Variants in RANBP17 observed in about 807,000 individuals in gnomAD.
RANBP17 encodes the protein ran-binding protein 17.
Under a neutral mutation model 141.2 loss-of-function variants are expected in RANBP17, and 158 were observed. The observed-to-expected ratio is 1.12, with a 90% CI of 0.98 to 1.28. The LOEUF (loss-of-function observed/expected upper bound fraction) is 1.28. Among genes scored for constraint, RANBP17 ranks in the 50% most tolerant of loss-of-function variants. RANBP17 has a pLI of 0.00. For missense variants in RANBP17, 1,438 were observed against 1,290.7 expected (o/e 1.11, Z -1.75); for synonymous variants, 430 against 450.0 (o/e 0.96, Z 0.56).
rs185520490 is a variant in RANBP17, at chr5:171,182,096, G to A, written c.1866-1071G>A. ...GAATTATGCTTTTCAGTGCCCCTGT[G>A]CAGAGGCAATAGACTGAGGCATGTA... On this transcript the variant is annotated intron_variant, in intron 16 of 27. Transcript: ENST00000523189. Among the ~76,000 whole-genome samples the A allele has an allele frequency of 2.6e-5, 4 of 152,280 alleles. No individual in the cohort carries two copies. In the East Asian group the frequency reaches 5.8e-4, roughly 22 times the overall value.
intron 14 of RANBP17, among the ~76,000 whole-genome samples, chr5:171,062,709 C>G (rs1403509368): frequency 6.6e-6 from 1 of 152,168 alleles, no homozygotes; most frequent in Non-Finnish European, 1.5e-5. Flanking sequence ...GTTGGCCTGC[C>G]TTTCTAGATT....
intron 14 of RANBP17, among the ~76,000 whole-genome samples, chr5:171,119,138 G>T (rs981516438): frequency 6.6e-6 from 1 of 152,108 alleles, no homozygotes; most frequent in Non-Finnish European, 1.5e-5. Context: ...AAGGGATGCT[G>T]AATTTTTTTA....
chr5:171,221,865 CT>C (rs1356593697), intron 22 of RANBP17, 25 bp downstream of exon 22: 1 of 1,268,546 alleles, frequency 7.9e-7, no homozygotes, highest in African/African-American at 1.5e-5. Flanking sequence ...CCATATGTGC[CT>C]CTGCAATATA....
chr5:170,940,522 AT>A (rs1365700498), intron 12 of RANBP17, among the ~76,000 whole-genome samples: 1 of 152,208 alleles, frequency 6.6e-6, no homozygotes, highest in Non-Finnish European at 1.5e-5. Flanking sequence ...GGTCCCAAGT[AT>A]TTCAGATCAG....
chr5:171,111,753 T>C (rs1319439466), intron 14 of RANBP17, among the ~76,000 whole-genome samples: 2 of 152,236 alleles, frequency 1.3e-5, no homozygotes, highest in African/African-American at 2.4e-5. Flanking sequence ...TGATTTCTTC[T>C]CTGCATTAGG....
chr5:171,258,157 AC>A (rs1561807036), intron 24 of RANBP17, among the ~76,000 whole-genome samples: 1 of 141,844 alleles, frequency 7.1e-6, no homozygotes, highest in Non-Finnish European at 1.5e-5. Flanking sequence ...ACACACACAC[AC>A]ACCCCTAGGA....
intron 14 of RANBP17, among the ~76,000 whole-genome samples, chr5:171,074,999 C>T (rs556613030): frequency 2.6e-5 from 4 of 152,240 alleles, no homozygotes; most frequent in South Asian, 4.1e-4. Context: ...AACTGAAACT[C>T]GGGGGTTAAC....
At chr5:171,128,608 A>G (rs1429514684) in intron 14 of RANBP17, among the ~76,000 whole-genome samples, 2 of 152,208 alleles carry the variant, frequency 1.3e-5, no homozygotes, top group East Asian at 1.9e-4. Flanking sequence ...TAAGGTGACT[A>G]TAACTACCAA....
chr5:170,876,910 T>A lies in RANBP17; in HGVS notation c.19-1187T>A, dbSNP rs559006892. On this transcript the variant is annotated intron_variant, in intron 1 of 27. Coordinates refer to ENST00000523189, the MANE Select transcript of RANBP17 (RefSeq NM_022897.5). The stretch of plus-strand genomic sequence containing the variant: ...CATATGCCTACCTGACATTGAAATC[T>A]GTGCCAATATTTTTTCTTTCAGAGA... 7.2e-5 allele frequency among the ~76,000 whole-genome samples: 11 copies of A among 152,326 alleles called. No homozygotes were observed. In the South Asian group the frequency reaches 2.3e-3, roughly 32 times the overall value.
chr5:170,985,462 T>C lies in RANBP17; in HGVS notation c.1710+17085T>C, dbSNP rs562350177. On this transcript the variant is annotated intron_variant, in intron 14 of 27. Transcript: ENST00000523189. ...ATACCAGAAATTGAGCAAGAAGTAA[T>C]TCCCTTTCTCTCTTCCATTTAAATT... is the stretch of plus-strand genomic sequence containing the variant. Among the ~76,000 whole-genome samples the C allele has an allele frequency of 1.6e-4, 24 of 152,330 alleles. 1 individual carries two copies. In the South Asian group the frequency reaches 5.0e-3, roughly 32 times the overall value.
rs765682621 is a variant in RANBP17 at position 171,001,390 on chromosome 5, A to ACGTCCAATTAGAGAG, written c.1710+33021_1710+33035dup. The stretch of plus-strand genomic sequence containing the variant: ...GGACTAAGAATTGGGAGTACCCAGG[A>ACGTCCAATTAGAGAG]CGTCCAATTAGAGAGCGTCCAAGGG... On this transcript the variant is annotated intron_variant, in intron 14 of 27. Coordinates refer to ENST00000523189, the MANE Select transcript of RANBP17 (RefSeq NM_022897.5). Among the ~76,000 whole-genome samples the ACGTCCAATTAGAGAG allele has an allele frequency of 3.0e-4, 45 of 152,318 alleles. 2 individuals carry two copies. The highest frequency in any genetic ancestry group is 1.1e-3 in the African/African-American group (44 of 41,580).
chr5:171,053,832 AT>A (rs1783133948), intron 14 of RANBP17, among the ~76,000 whole-genome samples: 2 of 138,810 alleles, frequency 1.4e-5, no homozygotes, highest in Non-Finnish European at 3.1e-5. Flanking sequence ...TCACCATTGA[AT>A]GTGATGTTAG....
chr5:171,050,258 T>A (rs1388085958), intron 14 of RANBP17, among the ~76,000 whole-genome samples: 1 of 152,194 alleles, frequency 6.6e-6, no homozygotes, highest in Non-Finnish European at 1.5e-5. Flanking sequence ...TATCTTCAAA[T>A]GGATTTTTCA....
chr5:170,874,867 A>G (rs1412558502), intron 1 of RANBP17, among the ~76,000 whole-genome samples: 4 of 152,154 alleles, frequency 2.6e-5, no homozygotes, highest in Non-Finnish European at 5.9e-5. Context: ...TGATCCTGTC[A>G]TCATGATGCT....
In RANBP17 at chr5:171,025,585, CT is replaced by C. The variant is rs571015455; in HGVS notation, c.1710+57218del. Among the ~76,000 whole-genome samples, 281 of 137,288 alleles carry C rather than the reference CT, an allele frequency of 2.0e-3. 1 individual carries two copies. Among genetic ancestry groups the C allele is most frequent in the African/African-American group, 6.5e-3 (240 of 37,084 alleles). 90.1% of individuals were successfully genotyped at this position (137,288 alleles called of 152,430 possible). A position where few individuals can be genotyped will look rare whatever the true frequency, so the allele number is the denominator to read the frequency against. On this transcript the variant is annotated intron_variant, in intron 14 of 27. Transcript: ENST00000523189. ...TTAGTCCTTTTTTTTTTCTTTTTTTCTTTTTTTTTTGAGACAGAATATCACT... is the reference window on the plus strand; with the variant it reads ...TTAGTCCTTTTTTTTTTCTTTTTTTCTTTTTTTTTGAGACAGAATATCACT...
intron 14 of RANBP17, among the ~76,000 whole-genome samples, chr5:171,001,390 A>T (rs1356502712): frequency 1.3e-5 from 2 of 152,320 alleles, no homozygotes; most frequent in East Asian, 3.9e-4. Context: ...AGTACCCAGG[A>T]CGTCCAATTA....
intron 24 of RANBP17, among the ~76,000 whole-genome samples, chr5:171,263,399 G>A (rs150181028): frequency 4.6e-5 from 7 of 152,276 alleles, no homozygotes; most frequent in African/African-American, 1.4e-4. Flanking sequence ...ATGGACTTCT[G>A]ATAAGCAACT....
intron 22 of RANBP17, among the ~76,000 whole-genome samples, chr5:171,237,774 C>G (rs919714291): frequency 3.3e-5 from 5 of 150,878 alleles, no homozygotes; most frequent in Non-Finnish European, 5.9e-5. Flanking sequence ...AGATCTCCCT[C>G]TTAGGAAGGA....
chr5:171,212,270 A>G (rs1247986583), intron 20 of RANBP17, among the ~76,000 whole-genome samples: 2 of 152,212 alleles, frequency 1.3e-5, no homozygotes, highest in African/African-American at 4.8e-5. Flanking sequence ...AACACAAGCA[A>G]CCAACCCTAA....
Sources: gnomAD v4.1 joint callset for allele counts (sites outside exome capture counted in the v4.1 genomes callset) on GRCh38, gnomAD v4.1.1 for gene constraint, MANE v1.5 for transcripts, NCBI Gene and HGNC (gene_info 2026-07-23, HGNC 2026-07-21) for gene names.